CATIP: variants seen among roughly 807,000 people sequenced by gnomAD.
CATIP encodes ciliogenesis-associated TTC17-interacting protein.
CATIP carries 40 observed loss-of-function variants against 42.5 expected under a neutral mutation model. That is an observed-to-expected ratio of 0.94 (90% CI 0.73 to 1.22). The LOEUF is 1.22. Among genes scored for constraint, CATIP ranks in the 50% most tolerant of loss-of-function variants. The pLI is 0.00. For missense variants in CATIP, 489 were observed against 496.0 expected, an observed-to-expected ratio of 0.99 and a Z score of 0.13; for synonymous variants, 222 against 200.2, an observed-to-expected ratio of 1.11 and a Z score of -0.92.
intron 8 of CATIP, 102 bp downstream of exon 8, chr2:218,367,202 G>A: frequency 4.4e-6 from 4 of 906,514 alleles, no homozygotes; most frequent in Non-Finnish European, 6.8e-6. Flanking sequence ...TGCTGTAAAC[G>A]GGACAGGAGC....
chr2:218,366,471 T>C (rs1695444883), intron 7 of CATIP: 1 of 160,226 alleles, frequency 6.2e-6, no homozygotes, highest in Non-Finnish European at 1.4e-5. Flanking sequence ...AGATCCTTTT[T>C]GTTTTTTTTA....
intron 4 of CATIP, among the ~76,000 whole-genome samples, chr2:218,359,300 C>T (rs1046982248): frequency 2.9e-4 from 42 of 146,210 alleles, no homozygotes; most frequent in African/African-American, 1.1e-3. Context: ...CAGGATCACA[C>T]CACTGCACTC....
chr2:218,367,560 T>C (rs765525022), intron 9 of CATIP, 42 bp downstream of exon 9: 5 of 1,608,234 alleles, frequency 3.1e-6, no homozygotes, highest in East Asian at 4.5e-5. Flanking sequence ...CATTCCCCCA[T>C]GGGCCTTAAA....
chr2:218,357,737 A>G lies in CATIP; in HGVS notation c.319+3A>G. The G allele has an allele frequency of 6.2e-7, 1 of 1,612,110 alleles. No homozygotes were observed. The highest frequency in any genetic ancestry group is 8.5e-7 in the Non-Finnish European group (1 of 1,179,600). On this transcript the variant is annotated splice_donor_region_variant and intron_variant, in intron 3 of 9. Coordinates refer to ENST00000289388, the MANE Select transcript of CATIP (RefSeq NM_198559.2). ...GCTCTGCGGAAATTCCCTCCTGGGT[A>G]GCGTTCCTACTGCCTGATGCCCGTC...
At position 218,367,929 on chromosome 2, in the gene CATIP, GA is replaced by G; in HGVS notation, c.1130del (p.Glu377GlyfsTer47). 2 of 1,605,602 alleles carry G rather than the reference GA, an allele frequency of 1.2e-6. No individual in the cohort carries two copies. Among genetic ancestry groups the G allele is most frequent in the Non-Finnish European group, 1.7e-6 (2 of 1,177,878 alleles). On this transcript the variant is annotated frameshift_variant, in exon 10 of 10. Transcript: ENST00000289388. LOFTEE classifies it low-confidence loss of function (END_TRUNC). ...SHRPNPFRSLEPEGDARSGAA is the reference protein window; with the variant it reads ...SHRPNPFRSLXPEGDARSGAA ...CCGGCCCAACCCTTTCCGCTCCCTGGAGCCGGAGGGAGACGCCCGCTCGGGG... is the reference window on the plus strand; with the variant it reads ...CCGGCCCAACCCTTTCCGCTCCCTGGGCCGGAGGGAGACGCCCGCTCGGGG...
intron 5 of CATIP, among the ~76,000 whole-genome samples, chr2:218,361,806 A>T (rs1400732948): frequency 6.6e-6 from 1 of 152,078 alleles, no homozygotes; most frequent in Non-Finnish European, 1.5e-5. Context: ...CCCAAGATTT[A>T]TTTTTCTTTC....
rs541721036 is a variant in CATIP at position 218,362,309 on chromosome 2, C to A, written c.463-426C>A. Among the ~76,000 whole-genome samples, 464 of 146,058 alleles carry A rather than the reference C, an allele frequency of 3.2e-3. 4 individuals carry two copies. The highest frequency in any genetic ancestry group is 0.011 in the African/African-American group (438 of 39,154). On this transcript the variant is annotated intron_variant, in intron 5 of 9. Transcript: ENST00000289388. ...TGGAGGTTGCAGTGAGCTGAGATCG[C>A]ACCACTGCACTCCAGTCTGGGCAAC...
Position 218,357,120 on chromosome 2 carries a change from C to G in CATIP, c.51C>G (p.Pro17=). The G allele has an allele frequency of 6.2e-7, 1 of 1,613,924 alleles. No individual in the cohort carries two copies. The highest frequency in any genetic ancestry group is 1.3e-5 in the African/African-American group (1 of 75,014). ...GCTCCAGAGCTAAGGACCACCAGCCCTCGGGTCCGGAGTGTCTGCCACTCC... is the reference window on the plus strand; with the variant it reads ...GCTCCAGAGCTAAGGACCACCAGCCGTCGGGTCCGGAGTGTCTGCCACTCC... ...STGSRAKDHQ[P]SGPECLPLPE... The change falls in exon 2 of 10, where the codon CCC becomes CCG. Residue 17 remains proline, a synonymous_variant. Coordinates refer to ENST00000289388, the MANE Select transcript of CATIP (RefSeq NM_198559.2).
In CATIP at chr2:218,364,611, A is replaced by G. The variant is rs769348880; in HGVS notation, c.631-17A>G. On this transcript the variant is annotated splice_polypyrimidine_tract_variant and intron_variant, in intron 6 of 9. Coordinates refer to ENST00000289388, the MANE Select transcript of CATIP (RefSeq NM_198559.2). ...CATCCACCTTACCTCCCACCCCCCA[A>G]TTTTGGCTGTTGCCAGCAAAACCTG... 5.6e-6 allele frequency: 9 copies of G among 1,612,730 alleles called. No homozygotes were observed. The highest frequency in any genetic ancestry group is 1.6e-4 in the Middle Eastern group (1 of 6,074).
In CATIP at chr2:218,357,606, G is replaced by C. The variant is rs1574732929; in HGVS notation, c.191G>C (p.Gly64Ala). ...GTCTCAGACACCGGGGAGCCTCAGG[G>C]AGAGCTGACCATTGAGGTGCAGAGA... Reference protein sequence around the residue: ...AMVSDTGEPQGELTIEVQRGK... With the variant: ...AMVSDTGEPQAELTIEVQRGK... Residue 64 changes from glycine (G) to alanine (A), a missense_variant, in exon 3 of 10, where the codon GGA (glycine) becomes GCA (alanine). Gly to Ala is a moderately conservative substitution (Grantham distance 60). Transcript: ENST00000289388. 1 of 1,614,120 alleles carries C rather than the reference G, an allele frequency of 6.2e-7. No homozygotes were observed. The highest frequency in any genetic ancestry group is 1.3e-5 in the African/African-American group (1 of 75,046).
At chr2:218,357,062 G>C (rs763369983) in intron 1 of CATIP, 33 bp from the exon 2 acceptor site, 2 of 1,595,538 alleles carry the variant, frequency 1.3e-6, no homozygotes, top group South Asian at 2.2e-5. Flanking sequence ...TTCTCCCCAG[G>C]GTCTGCCATC....
At chr2:218,357,359 C>T in intron 2 of CATIP, 172 bp downstream of exon 2, 1 of 709,122 alleles carries the variant, frequency 1.4e-6, no homozygotes, top group East Asian at 2.7e-5. Flanking sequence ...GGGAAGGCCC[C>T]CCGGGGACAT....
chr2:218,361,767 G>T (rs1162219332), intron 5 of CATIP, among the ~76,000 whole-genome samples: 2 of 152,326 alleles, frequency 1.3e-5, no homozygotes, highest in Non-Finnish European at 2.9e-5. Flanking sequence ...TTCCCAGCTT[G>T]ACTTCCCTTT....
intron 5 of CATIP, among the ~76,000 whole-genome samples, chr2:218,362,012 G>C (rs1186487569): frequency 3.3e-5 from 3 of 90,006 alleles, no homozygotes; most frequent in Non-Finnish European, 5.9e-5. Context: ...CCGTTCTCCA[G>C]AAAAAGGAAA....
chr2:218,363,353 G>A (rs1207388981), intron 6 of CATIP, among the ~76,000 whole-genome samples: 1 of 151,762 alleles, frequency 6.6e-6, no homozygotes, highest in African/African-American at 2.4e-5. Context: ...GGGCGTGGTG[G>A]CAGGCGCCTG....
intron 9 of CATIP, 86 bp from the exon 10 acceptor site, chr2:218,367,636 C>A: frequency 6.3e-7 from 1 of 1,588,566 alleles, no homozygotes; most frequent in Non-Finnish European, 8.6e-7. Flanking sequence ...TCCAGCGCCC[C>A]TTAGCTCTCC....
intron 6 of CATIP, 57 bp from the exon 7 acceptor site, chr2:218,364,571 G>T: frequency 1.3e-6 from 2 of 1,597,732 alleles, no homozygotes; most frequent in Non-Finnish European, 8.5e-7. Context: ...AAGATGATGG[G>T]GAGCCCTTGG....
chr2:218,367,458 G>A lies in CATIP; in HGVS notation c.861G>A (p.Glu287=). The A allele has an allele frequency of 1.2e-6, 2 of 1,614,192 alleles. No individual in the cohort carries two copies. Among genetic ancestry groups the A allele is most frequent in the Non-Finnish European group, 1.7e-6 (2 of 1,180,022 alleles). The change falls in exon 9 of 10, where the codon GAG becomes GAA. Residue 287 remains glutamate (E), a synonymous_variant. Coordinates refer to ENST00000289388, the MANE Select transcript of CATIP (RefSeq NM_198559.2). Reference sequence around the variant, plus strand: ...AGATTGAGCCACGCCCAGTGTTTGAGAAGAAGCCCCTGGTATGGGAGGAGG... The same window carrying A: ...AGATTGAGCCACGCCCAGTGTTTGAAAAGAAGCCCCTGGTATGGGAGGAGG... ...EDEIEPRPVF[E]KKPLVWEEDM...
At chr2:218,366,763 A>C in intron 7 of CATIP, 1 of 444,572 alleles carries the variant, frequency 2.2e-6, no homozygotes, top group Non-Finnish European at 4.2e-6. Context: ...TAGCTTGCAG[A>C]CAAGTGCCTT....
Sources: gnomAD v4.1 joint callset for allele counts (sites outside exome capture counted in the v4.1 genomes callset) on GRCh38, gnomAD v4.1.1 for gene constraint, MANE v1.5 for transcripts, NCBI Gene and HGNC (gene_info 2026-07-23, HGNC 2026-07-21) for gene names.